The following ZNF385B variants were observed in gnomAD, a reference collection of about 807,000 sequenced individuals.
The protein encoded by ZNF385B is zinc finger protein 385B, also known as zinc finger protein 533.
Under a neutral mutation model 39.2 loss-of-function variants are expected in ZNF385B, and 23 were observed. That is an observed-to-expected ratio of 0.59 (90% CI 0.42 to 0.83). ZNF385B has a LOEUF of 0.83. Ranked by LOEUF, ZNF385B falls within the 40% of genes least tolerant of loss-of-function variation. ZNF385B has a pLI of 0.00. For missense variants in ZNF385B, 552 were observed against 598.9 expected (o/e 0.92, Z 0.82); for synonymous variants, 205 against 222.6 (o/e 0.92, Z 0.70).
intron 6 of ZNF385B, among the ~76,000 whole-genome samples, chr2:179,473,614 G>A (rs763788291): frequency 1.3e-5 from 2 of 152,100 alleles, no homozygotes; most frequent in African/African-American, 2.4e-5. Flanking sequence ...ATGGTGGTTT[G>A]CTGCACCTAT....
intron 3 of ZNF385B, among the ~76,000 whole-genome samples, chr2:179,693,128 A>G (rs1241320774): frequency 6.6e-6 from 1 of 152,218 alleles, no homozygotes; most frequent in Non-Finnish European, 1.5e-5. Flanking sequence ...TATTTTTCTA[A>G]GAGATCAGAA....
intron 3 of ZNF385B, among the ~76,000 whole-genome samples, chr2:179,755,682 T>C (rs960878621): frequency 6.6e-6 from 1 of 152,220 alleles, no homozygotes; most frequent in Non-Finnish European, 1.5e-5. Context: ...TTTACCATTA[T>C]GTAATGGCCT....
At chr2:179,542,264 C>T (rs957431312) in intron 4 of ZNF385B, among the ~76,000 whole-genome samples, 5 of 152,098 alleles carry the variant, frequency 3.3e-5, no homozygotes, top group African/African-American at 1.2e-4. Context: ...AAATTTATTT[C>T]CTGCAAGATG....
At chr2:179,445,458 G>T in intron 8 of ZNF385B, 92 bp downstream of exon 8, 1 of 1,291,154 alleles carries the variant, frequency 7.7e-7, no homozygotes, top group Non-Finnish European at 1.1e-6. Context: ...CAACTTAACT[G>T]TGAGCACAGT....
chr2:179,734,553 G>C (rs1026204687), intron 3 of ZNF385B, among the ~76,000 whole-genome samples: 2 of 152,150 alleles, frequency 1.3e-5, no homozygotes, highest in African/African-American at 4.8e-5. Flanking sequence ...AAAGTATTGA[G>C]TTCTGCACAA....
At chr2:179,460,599 A>G (rs984396419) in intron 6 of ZNF385B, among the ~76,000 whole-genome samples, 6 of 152,136 alleles carry the variant, frequency 3.9e-5, no homozygotes, top group Admixed American at 3.9e-4. Context: ...GACTTTCCCA[A>G]TCTTTCTTAT....
intron 3 of ZNF385B, among the ~76,000 whole-genome samples, chr2:179,722,685 T>C (rs1700769321): frequency 6.6e-6 from 1 of 152,080 alleles, no homozygotes; most frequent in South Asian, 2.1e-4. Flanking sequence ...AAATGGAGTA[T>C]TAAAAAGCAC....
rs1697454469 is a variant in ZNF385B at position 179,680,916 on chromosome 2, G to A, written c.298+88587C>T. On this transcript the variant is annotated intron_variant, in intron 3 of 9. Coordinates refer to ENST00000410066, the MANE Select transcript of ZNF385B (RefSeq NM_152520.6). ...TCTTCTAAATATAGATATATGAACT[G>A]AGACTCAGAGATGGTCAAATTTTGT... 3.3e-5 allele frequency among the ~76,000 whole-genome samples: 5 copies of A among 152,184 alleles called. No individual in the cohort carries two copies. The South Asian group carries it at 1.0e-3, about 32-fold the overall frequency.
chr2:179,699,392 T>G (rs1699003205), intron 3 of ZNF385B, among the ~76,000 whole-genome samples: 1 of 152,198 alleles, frequency 6.6e-6, no homozygotes, highest in East Asian at 1.9e-4. Flanking sequence ...ATTTCTGTTT[T>G]GCACTTTAGA....
At chr2:179,514,711 T>C (rs980210923) in intron 5 of ZNF385B, among the ~76,000 whole-genome samples, 1 of 151,688 alleles carries the variant, frequency 6.6e-6, no homozygotes, top group Non-Finnish European at 1.5e-5. Context: ...ATTAAAGTGA[T>C]TACAAATAGG....
intron 3 of ZNF385B, among the ~76,000 whole-genome samples, chr2:179,569,527 A>G (rs1684973590): frequency 6.6e-6 from 1 of 152,226 alleles, no homozygotes; most frequent in Non-Finnish European, 1.5e-5. Context: ...ATAATTTTCT[A>G]GGACATGTTG....
At chr2:179,468,297 G>A (rs984760484) in intron 6 of ZNF385B, among the ~76,000 whole-genome samples, 1 of 152,156 alleles carries the variant, frequency 6.6e-6, no homozygotes, top group Non-Finnish European at 1.5e-5. Flanking sequence ...CTAATGAACA[G>A]CTTTCTCTTA....
intron 3 of ZNF385B, among the ~76,000 whole-genome samples, chr2:179,719,280 C>G (rs1337359125): frequency 1.3e-5 from 2 of 152,150 alleles, no homozygotes; most frequent in African/African-American, 4.8e-5. Flanking sequence ...GCCGACCAAG[C>G]TGGAGAGGAG....
intron 1 of ZNF385B, 99 bp from the exon 2 acceptor site, chr2:179,770,771 T>G (rs1360054291): frequency 6.6e-6 from 1 of 152,212 alleles, no homozygotes; most frequent in Non-Finnish European, 1.5e-5. Flanking sequence ...TGTTGATGTT[T>G]TCTTCGTTTG....
intron 3 of ZNF385B, among the ~76,000 whole-genome samples, chr2:179,595,746 G>A (rs1558959786): frequency 1.4e-5 from 2 of 147,954 alleles, no homozygotes; most frequent in African/African-American, 2.5e-5. Context: ...ATACCTAAGT[G>A]CAACCCACCC....
intron 3 of ZNF385B, among the ~76,000 whole-genome samples, chr2:179,670,261 T>C (rs1025435321): frequency 5.0e-5 from 7 of 139,778 alleles, no homozygotes; most frequent in East Asian, 2.1e-4. Flanking sequence ...CACTGCACTC[T>C]CGCCTGGGCC....
At chr2:179,644,465 A>G (rs879448792) in intron 3 of ZNF385B, among the ~76,000 whole-genome samples, 1 of 152,180 alleles carries the variant, frequency 6.6e-6, no homozygotes, top group Admixed American at 6.5e-5. Flanking sequence ...CAACTTGTTG[A>G]TATTTACCAA....
intron 3 of ZNF385B, among the ~76,000 whole-genome samples, chr2:179,600,247 CT>C (rs897110806): frequency 1.7e-4 from 26 of 152,136 alleles, no homozygotes; most frequent in Non-Finnish European, 1.5e-5. Flanking sequence ...CAGATATAAT[CT>C]GAATTGCAAC....
At chr2:179,623,519 G>A (rs1278667914) in intron 3 of ZNF385B, among the ~76,000 whole-genome samples, 1 of 152,130 alleles carries the variant, frequency 6.6e-6, no homozygotes, top group Admixed American at 6.5e-5. Context: ...GTGATATCAA[G>A]AGGCAGGAAC....
Sources: gnomAD v4.1 joint callset for allele counts (sites outside exome capture counted in the v4.1 genomes callset) on GRCh38, gnomAD v4.1.1 for gene constraint, MANE v1.5 for transcripts, NCBI Gene and HGNC (gene_info 2026-07-23, HGNC 2026-07-21) for gene names.